The following DNAH5 variants were observed in gnomAD, a reference collection of about 807,000 sequenced individuals.
DNAH5 encodes dynein axonemal heavy chain 5, also known as axonemal beta dynein heavy chain 5.
Under a neutral mutation model 518.2 loss-of-function variants are expected in DNAH5, and 372 were observed. That is an observed-to-expected ratio of 0.72 (90% confidence interval 0.66 to 0.78). The LOEUF is 0.78. Among genes scored for constraint, DNAH5 ranks in the 30% least tolerant of loss-of-function variants. The pLI, the probability that DNAH5 is intolerant of heterozygous loss-of-function variation, is 0.00. For missense variants in DNAH5, 5,523 were observed against 5,687.0 expected (o/e 0.97, Z 0.93); for synonymous variants, 2,039 against 2,025.9 (o/e 1.01, Z -0.17).
chr5:13,820,279 G>T, intron 41 of DNAH5, 67 bp downstream of exon 41: 1 of 1,526,330 alleles, frequency 6.6e-7, no homozygotes, highest in Non-Finnish European at 9.0e-7. Context: ...TATCCCTCTT[G>T]GGCATTCAAA....
chr5:13,705,385 T>C (rs1742656905), intron 76 of DNAH5, among the ~76,000 whole-genome samples: 1 of 152,206 alleles, frequency 6.6e-6, no homozygotes, highest in Non-Finnish European at 1.5e-5. Flanking sequence ...AATGCCTATG[T>C]TAATTAGCCC....
intron 22 of DNAH5, among the ~76,000 whole-genome samples, chr5:13,874,448 G>A (rs1770573403): frequency 1.3e-5 from 2 of 152,186 alleles, no homozygotes; most frequent in South Asian, 4.1e-4. Context: ...AAAATTAGAT[G>A]AACTACATAT....
intron 47 of DNAH5, among the ~76,000 whole-genome samples, chr5:13,806,666 G>T (rs1469077792): frequency 6.6e-6 from 1 of 152,130 alleles, no homozygotes; most frequent in South Asian, 2.1e-4. Context: ...GAGATAATTT[G>T]CAAATCACTG....
In DNAH5 at chr5:13,766,135, G is replaced by T. The variant is rs781404108; in HGVS notation, c.9942C>A (p.Arg3314=). The T allele has an allele frequency of 6.2e-7, 1 of 1,614,098 alleles. No individual in the cohort carries two copies. Among genetic ancestry groups the T allele is most frequent in the African/African-American group, 1.3e-5 (1 of 74,942 alleles). ...TGATCCGCATGATGAGGTGAGGGGG[G>T]CGGCCCAACGTGCGAACAGTGGCGA... ...SDIATVRTLG[R]PPHLIMRIMD... Residue 3314 remains arginine, a synonymous_variant, in exon 59 of 79, where the codon CGC becomes CGA. Transcript: ENST00000265104.
chr5:13,732,135 A>AG (rs1313451282), intron 68 of DNAH5, among the ~76,000 whole-genome samples: 4 of 152,078 alleles, frequency 2.6e-5, no homozygotes, highest in Non-Finnish European at 4.4e-5. Flanking sequence ...AAAAAAAAAA[A>AG]AAATGGAAAT....
chr5:13,714,273 A>G (rs1743993746), intron 75 of DNAH5, 132 bp downstream of exon 75: 6 of 959,862 alleles, frequency 6.3e-6, no homozygotes, highest in Non-Finnish European at 8.0e-6. Flanking sequence ...TGGTTCTTTA[A>G]GAAGCTGGTT....
intron 15 of DNAH5, chr5:13,898,690 C>A: frequency 2.5e-6 from 1 of 398,340 alleles, no homozygotes; most frequent in South Asian, 1.3e-4. Flanking sequence ...TAGAAAAGAT[C>A]AGATGAAATA....
chr5:13,963,863 G>GT (rs1170885982), intron 1 of DNAH5, among the ~76,000 whole-genome samples: 1 of 151,964 alleles, frequency 6.6e-6, no homozygotes, highest in Non-Finnish European at 1.5e-5. Flanking sequence ...TAATTTTTAT[G>GT]TTTTTTTGTA....
intron 47 of DNAH5, among the ~76,000 whole-genome samples, chr5:13,794,595 T>C (rs549726999): frequency 6.6e-6 from 1 of 152,294 alleles, no homozygotes; most frequent in Admixed American, 6.5e-5. Flanking sequence ...TGAACAAAGC[T>C]CACTTATGTC....
chr5:13,927,954 C>T, intron 3 of DNAH5, 140 bp downstream of exon 3: 1 of 684,278 alleles, frequency 1.5e-6, no homozygotes. Flanking sequence ...CTAATGGTTT[C>T]CCACATGGAC....
At chr5:13,863,911 G>T (rs887504388) in intron 28 of DNAH5, among the ~76,000 whole-genome samples, 1 of 152,082 alleles carries the variant, frequency 6.6e-6, no homozygotes, top group Non-Finnish European at 1.5e-5. Context: ...GCCTTCTTCT[G>T]GTTCCTCAAA....
intron 51 of DNAH5, among the ~76,000 whole-genome samples, chr5:13,788,171 A>G (rs1331230667): frequency 6.6e-6 from 1 of 152,162 alleles, no homozygotes; most frequent in African/African-American, 2.4e-5. Flanking sequence ...CCTCTCATAC[A>G]ATTGGAAGTT....
intron 40 of DNAH5, among the ~76,000 whole-genome samples, chr5:13,822,802 G>C (rs60915426): frequency 1.3e-5 from 2 of 149,900 alleles, no homozygotes; most frequent in South Asian, 2.2e-4. Context: ...CCTACCCACC[G>C]TATCCCACCC....
chr5:13,713,124 T>TATATATACACAC (rs1554018603), intron 75 of DNAH5, among the ~76,000 whole-genome samples: 13 of 146,560 alleles, frequency 8.9e-5, no homozygotes, highest in African/African-American at 3.3e-4. Flanking sequence ...TATATATATA[T>TATATATACACAC]ACACACACAC....
At chr5:13,894,352 T>C (rs1047838326) in intron 16 of DNAH5, among the ~76,000 whole-genome samples, 2 of 152,194 alleles carry the variant, frequency 1.3e-5, no homozygotes, top group African/African-American at 4.8e-5. Flanking sequence ...CAAAATACAC[T>C]AACCTATTTA....
At chr5:13,923,183 G>C in intron 4 of DNAH5, 97 bp downstream of exon 4, 2 of 1,478,762 alleles carry the variant, frequency 1.4e-6, no homozygotes, top group Non-Finnish European at 1.9e-6. Context: ...TTTAGATACT[G>C]TAGTGAATAC....
intron 19 of DNAH5, among the ~76,000 whole-genome samples, chr5:13,883,479 A>C (rs891372406): frequency 5.3e-5 from 8 of 152,262 alleles, no homozygotes; most frequent in Admixed American, 5.2e-4. Context: ...GGCATAAGCC[A>C]AAGTTAGAAC....
At chr5:13,759,017 C>A (rs778366794) in intron 60 of DNAH5, 34 bp from the exon 61 acceptor site, 31 of 1,613,432 alleles carry the variant, frequency 1.9e-5, no homozygotes, top group Non-Finnish European at 2.5e-5. Flanking sequence ...AAGAGATGGG[C>A]AGCCAACCTC....
chr5:13,774,656 T>C (rs1753820973), intron 55 of DNAH5, among the ~76,000 whole-genome samples: 1 of 152,152 alleles, frequency 6.6e-6, no homozygotes, highest in South Asian at 2.1e-4. Flanking sequence ...AATAGATTAA[T>C]GCATGAAGGT....
Sources: allele counts gnomAD v4.1 joint callset (sites outside exome capture counted in the v4.1 genomes callset), GRCh38; gene constraint gnomAD v4.1.1; transcripts MANE v1.5; gene names NCBI Gene and HGNC (gene_info 2026-07-23, HGNC 2026-07-21).